Variants in NTN1 observed in about 807,000 individuals in gnomAD.
NTN1 encodes the protein netrin 1, also known as netrin-1.
In NTN1, 11 loss-of-function variants were observed where a neutral mutation model predicts 54.2. The observed-to-expected ratio is 0.20, with a 90% confidence interval of 0.13 to 0.34. The LOEUF is 0.34. Ranked by LOEUF, NTN1 falls within the 10% of genes least tolerant of loss-of-function variation. The pLI is 1.00. For missense variants in NTN1, 740 were observed against 893.1 expected (o/e 0.83, Z 2.18); for synonymous variants, 371 against 382.0 (o/e 0.97, Z 0.33).
chr17:9,128,757 A>G (rs1191386506), intron 2 of NTN1, among the ~76,000 whole-genome samples: 1 of 152,148 alleles, frequency 6.6e-6, no homozygotes, highest in Non-Finnish European at 1.5e-5. Context: ...TCCTGGCTCC[A>G]TTCTCAGGGC....
intron 6 of NTN1, among the ~76,000 whole-genome samples, chr17:9,231,968 G>A (rs1045769328): frequency 3.3e-5 from 5 of 152,190 alleles, no homozygotes; most frequent in South Asian, 2.1e-4. Flanking sequence ...GGCATGTCCC[G>A]CGGGCCCAGC....
At chr17:9,121,373 A>G (rs187637695) in intron 2 of NTN1, among the ~76,000 whole-genome samples, 2 of 151,850 alleles carry the variant, frequency 1.3e-5, no homozygotes, top group Admixed American at 6.6e-5. Context: ...ATATCTGGCA[A>G]TTGCACCTCA....
chr17:9,183,679 A>C, intron 5 of NTN1: 2 of 195,254 alleles, frequency 1.0e-5, no homozygotes, highest in Non-Finnish European at 2.1e-5. Flanking sequence ...TAACCATACC[A>C]TCAATCTGGG....
At chr17:9,155,632 C>T (rs558840295) in intron 2 of NTN1, among the ~76,000 whole-genome samples, 9 of 151,630 alleles carry the variant, frequency 5.9e-5, no homozygotes, top group African/African-American at 1.5e-4. Context: ...TGAGCCACTG[C>T]GCCTGGCGCT....
intron 6 of NTN1, among the ~76,000 whole-genome samples, chr17:9,222,699 G>A (rs1430268677): frequency 6.6e-6 from 1 of 152,128 alleles, no homozygotes; most frequent in African/African-American, 2.4e-5. Flanking sequence ...CTGACCCCGT[G>A]GGGGTCCGGC....
intron 5 of NTN1, among the ~76,000 whole-genome samples, chr17:9,187,644 C>T (rs1376626571): frequency 1.5e-5 from 2 of 134,104 alleles, no homozygotes; most frequent in Non-Finnish European, 3.1e-5. Context: ...ATAGTGAAAC[C>T]TCATCTCTCC....
chr17:9,243,491 T>A lies in NTN1; in HGVS notation c.*3523T>A, dbSNP rs920624880. 3 of 152,120 alleles carry A rather than the reference T, an allele frequency of 2.0e-5. No homozygotes were observed. The highest frequency in any genetic ancestry group is 4.4e-5 in the Non-Finnish European group (3 of 68,044). 9.4% of individuals were successfully genotyped at this position (152,120 alleles called of 1,614,324 possible). A position where few individuals can be genotyped will look rare whatever the true frequency, so the allele number is the denominator to read the frequency against. ...TTAGGCTGTCAACACTTAAAGGAAGTCCCCTTGAAGCCCAGAGTGGACAGA... is the reference window on the plus strand; with the variant it reads ...TTAGGCTGTCAACACTTAAAGGAAGACCCCTTGAAGCCCAGAGTGGACAGA... On this transcript the variant is annotated 3_prime_UTR_variant, in exon 7 of 7. Transcript: ENST00000173229.
intron 6 of NTN1, among the ~76,000 whole-genome samples, chr17:9,225,987 G>A (rs1374288014): frequency 6.6e-6 from 1 of 152,200 alleles, no homozygotes; most frequent in Admixed American, 6.5e-5. Flanking sequence ...GGGCTCCGCG[G>A]ACCTGGGCAG....
At position 9,026,981 on chromosome 17, in the gene NTN1, C is replaced by G. The variant is rs776633569; in HGVS notation, c.1018+3590C>G. 2.7e-4 allele frequency among the ~76,000 whole-genome samples: 41 copies of G among 152,084 alleles called. 1 individual carries two copies. Among genetic ancestry groups the G allele is most frequent in the Admixed American group, 9.2e-4 (14 of 15,258 alleles). Reference sequence around the variant, plus strand: ...GCCTCTTAATGGTCATAGGTACCTGCAACATAATGCTTGTGATTGTTTAAA... The same window carrying G: ...GCCTCTTAATGGTCATAGGTACCTGGAACATAATGCTTGTGATTGTTTAAA... On this transcript the variant is annotated intron_variant, in intron 2 of 6. Transcript: ENST00000173229.
chr17:9,062,270 C>T (rs7207360), intron 2 of NTN1, among the ~76,000 whole-genome samples: 6,979 of 152,246 alleles, frequency 0.046, 545 homozygotes, highest in African/African-American at 0.16. Context: ...GGTTTTTATT[C>T]CCCTTTCTGG....
chr17:9,036,699 A>G (rs2091904610), intron 2 of NTN1, among the ~76,000 whole-genome samples: 1 of 152,204 alleles, frequency 6.6e-6, no homozygotes, highest in Admixed American at 6.5e-5. Flanking sequence ...CACAAAGGTC[A>G]TGTAATGATA....
At chr17:9,133,512 A>C (rs556193517) in intron 2 of NTN1, among the ~76,000 whole-genome samples, 1 of 151,950 alleles carries the variant, frequency 6.6e-6, no homozygotes, top group Non-Finnish European at 1.5e-5. Context: ...GCCAGGGCGC[A>C]TGCTTAATTC....
intron 2 of NTN1, among the ~76,000 whole-genome samples, chr17:9,159,041 C>T (rs1217054612): frequency 6.6e-6 from 1 of 152,152 alleles, no homozygotes; most frequent in African/African-American, 2.4e-5. Context: ...CTTGTCATAA[C>T]ATCAGAGAGA....
intron 5 of NTN1, among the ~76,000 whole-genome samples, chr17:9,195,192 A>ACCGCC (rs3031881): frequency 2.1e-5 from 3 of 142,518 alleles, no homozygotes; most frequent in Non-Finnish European, 3.0e-5. Context: ...GGCGAGCTCT[A>ACCGCC]CCACCCCTCC....
chr17:9,188,554 GGGT>G (rs1459296229), intron 5 of NTN1, among the ~76,000 whole-genome samples: 1 of 151,998 alleles, frequency 6.6e-6, no homozygotes, highest in Non-Finnish European at 1.5e-5. Context: ...TCTGGGGCTG[GGGT>G]GAGTGTCCTG....
At chr17:9,198,230 A>G (rs1463697302) in intron 5 of NTN1, among the ~76,000 whole-genome samples, 3 of 152,244 alleles carry the variant, frequency 2.0e-5, no homozygotes, top group Non-Finnish European at 4.4e-5. Context: ...GTCTAGCCTC[A>G]GCCTGATCAC....
chr17:9,162,985 C>T lies in NTN1; in HGVS notation c.1191C>T (p.His397=), dbSNP rs769366933. The change falls in exon 3 of 7, where the codon CAC becomes CAT. Residue 397 remains histidine (H), a synonymous_variant. Coordinates refer to ENST00000173229, the MANE Select transcript of NTN1 (RefSeq NM_004822.3). ...GCGACATGGGCAAGCCCATCACCCA[C>T]CGGAAGGCCTGCAAAGGTGGGCTAC... ...YYRDMGKPIT[H]RKACKACDCH... 4.3e-6 allele frequency: 7 copies of T among 1,611,192 alleles called. No homozygotes were observed. Among genetic ancestry groups the T allele is most frequent in the Non-Finnish European group, 5.1e-6 (6 of 1,178,612 alleles).
the NTN1 span, among the ~76,000 whole-genome samples, chr17:9,003,140 G>A: frequency 6.6e-6 from 1 of 152,116 alleles, no homozygotes; most frequent in Admixed American, 6.5e-5. This position sits in a 1 kb window ranked among gnomAD's most constrained non-coding sequence, Gnocchi z 7.4. Context: ...CGGCGCCTCG[G>A]GGAGGTAAGT....
chr17:9,023,794 G>C (rs1448624988), intron 2 of NTN1, among the ~76,000 whole-genome samples: 1 of 152,210 alleles, frequency 6.6e-6, no homozygotes, highest in Non-Finnish European at 1.5e-5. Context: ...TGGGGACCCC[G>C]GCCCAGTTCC....
Sources: gnomAD v4.1 joint callset for allele counts (sites outside exome capture counted in the v4.1 genomes callset) on GRCh38, gnomAD v4.1.1 for gene constraint, Gnocchi (gnomAD v3.1) non-coding constraint, MANE v1.5 for transcripts, NCBI Gene and HGNC (gene_info 2026-07-23, HGNC 2026-07-21) for gene names.